Variants in C21orf58 observed in about 807,000 individuals in gnomAD.
The protein encoded by C21orf58 is uncharacterized protein C21orf58.
C21orf58 carries 34 observed loss-of-function variants against 35.8 expected under a neutral mutation model. The observed-to-expected ratio is 0.95, with a 90% CI of 0.72 to 1.26. The LOEUF is 1.26. Among genes scored for constraint, C21orf58 ranks in the 50% most tolerant of loss-of-function variants. The pLI is 0.00. For missense variants in C21orf58, 440 were observed against 414.3 expected, an observed-to-expected ratio of 1.06 and a Z score of -0.54; for synonymous variants, 191 against 175.8, an observed-to-expected ratio of 1.09 and a Z score of -0.68.
rs773417300 is a variant in C21orf58, at chr21:46,317,168, G to T, written c.370+40C>A. On this transcript the variant is annotated intron_variant, in intron 3 of 7. Coordinates refer to ENST00000291691, the MANE Select transcript of C21orf58 (RefSeq NM_058180.5). ...CTCCCCCTGGAGTGGCTACACTTGC[G>T]TCTGTCTGTGCTGGTTCCAAGCAGC... 5 of 1,592,642 alleles carry T rather than the reference G, an allele frequency of 3.1e-6. 1 individual carries two copies. The South Asian group carries it at 4.5e-5, about 14-fold the overall frequency.
At position 46,302,045 on chromosome 21, in the gene C21orf58, G is replaced by A. The variant is rs1375991456; in HGVS notation, c.923C>T (p.Thr308Ile). ...CAGGCTGGGGGCGGGCTGGAGGACA[G>A]TGGCAGCCCCAGGTGGCCACACAGC... ...HHAVWPPGAA[T>I]VLQPAPSLWT... is the part of the protein sequence containing the mutation. The change falls in exon 8 of 8, where the codon ACT (threonine) becomes ATT (isoleucine). Residue 308 changes from threonine to isoleucine, a missense_variant. Transcript: ENST00000291691. 6 of 1,531,542 alleles carry A rather than the reference G, an allele frequency of 3.9e-6. No individual in the cohort carries two copies. The African/African-American group carries it at 4.2e-5, about 11-fold the overall frequency. 94.9% of individuals were successfully genotyped at this position (1,531,542 alleles called of 1,614,324 possible).
chr21:46,301,717 C>A lies in C21orf58; in HGVS notation c.*282G>T, dbSNP rs772813904. On this transcript the variant is annotated 3_prime_UTR_variant, in exon 8 of 8. Coordinates refer to ENST00000291691, the MANE Select transcript of C21orf58 (RefSeq NM_058180.5). ...TCCCAGGTGGGCCGGCGCCGCCCTA[C>A]AGGAAAGGAGGGGTCCCTGGGAGGG... is the stretch of plus-strand genomic sequence containing the variant. 1 of 1,193,116 alleles carries A rather than the reference C, an allele frequency of 8.4e-7. No individual in the cohort carries two copies. The highest frequency in any genetic ancestry group is 1.0e-6 in the Non-Finnish European group (1 of 963,434). 73.9% of individuals were successfully genotyped at this position (1,193,116 alleles called of 1,614,324 possible).
rs1409824858 is a variant in C21orf58 at position 46,314,770 on chromosome 21, G to C, written c.555C>G (p.Pro185=). ...PPELPPTGIL[P]TASPSPLAPD... ...GGGCCAGCGGGGATGGGGAGGCAGT[G>C]GGTAGGATGCCCGTGGGGGGCAGCT... The change falls in exon 5 of 8, where the codon CCC becomes CCG. Residue 185 remains proline (P), a synonymous_variant. Coordinates refer to ENST00000291691, the MANE Select transcript of C21orf58 (RefSeq NM_058180.5). 6.6e-7 allele frequency: 1 copy of C among 1,520,178 alleles called. No homozygotes were observed. Among genetic ancestry groups the C allele is most frequent in the African/African-American group, 1.4e-5 (1 of 72,586 alleles). 94.2% of individuals were successfully genotyped at this position (1,520,178 alleles called of 1,614,324 possible).
chr21:46,302,109 T>C lies in C21orf58; in HGVS notation c.859A>G (p.Arg287Gly), dbSNP rs2082130288. 2 of 1,527,784 alleles carry C rather than the reference T, an allele frequency of 1.3e-6. No homozygotes were observed. Among genetic ancestry groups the C allele is most frequent in the South Asian group, 2.4e-5 (2 of 82,624 alleles). The allele number at this position is 1,527,784 out of a possible 1,614,324, so 94.6% of individuals were successfully genotyped here. ...PPRVPRAARP[R>G]LPAVHHHHHH... ...TGGTGGTGGTGCACGGCAGGCAGCC[T>C]TGGCCTGGCAGCTCGTGGGACCCTC... The change falls in exon 8 of 8, where the codon AGG becomes GGG. Residue 287 changes from arginine (R) to glycine (G), a missense_variant. Physicochemically the swap from Arg to Gly is moderately radical, Grantham distance 125. Transcript: ENST00000291691.
chr21:46,303,739 ATATATATTTTTTTT>A (rs1198061251), intron 6 of C21orf58, among the ~76,000 whole-genome samples: 404 of 28,000 alleles, frequency 0.014, 1 homozygote, highest in Middle Eastern at 0.028. Context: ...ATATATATAT[ATATATATTTTTTTT>A]TTTTTTTTTT....
rs574120078 is a variant in C21orf58, at chr21:46,302,407, A to C, written c.813+78T>G. ...CAGGAATGCCCTTTCAGAGCTACACAGATGCAGAAATTTCCAGAAGAAAAA... is the reference window on the plus strand; with the variant it reads ...CAGGAATGCCCTTTCAGAGCTACACCGATGCAGAAATTTCCAGAAGAAAAA... On this transcript the variant is annotated intron_variant, in intron 7 of 7. Transcript: ENST00000291691. The C allele has an allele frequency of 6.5e-5, 79 of 1,224,214 alleles. No individual in the cohort carries two copies. The Admixed American group carries it at 1.5e-3, about 23-fold the overall frequency. The allele number at this position is 1,224,214 out of a possible 1,614,324, so 75.8% of individuals were successfully genotyped here.
At position 46,302,582 on chromosome 21, in the gene C21orf58, G is replaced by C; in HGVS notation, c.722-6C>G. 4.4e-6 allele frequency: 7 copies of C among 1,608,510 alleles called. No individual in the cohort carries two copies. The highest frequency in any genetic ancestry group is 5.1e-6 in the Non-Finnish European group (6 of 1,177,014). On this transcript the variant is annotated splice_polypyrimidine_tract_variant and splice_region_variant and intron_variant, in intron 6 of 7. Transcript: ENST00000291691. ...CAGCAGCAGCTCCACCATGTCTGCA[G>C]GGAAGAAGCAGGGGGACCCTGAATA...
At position 46,314,764 on chromosome 21, in the gene C21orf58, G is replaced by A; in HGVS notation, c.561C>T (p.Ala187=). 1 of 1,513,176 alleles carries A rather than the reference G, an allele frequency of 6.6e-7. No individual in the cohort carries two copies. The highest frequency in any genetic ancestry group is 2.5e-5 in the East Asian group (1 of 40,374). 93.7% of individuals were successfully genotyped at this position (1,513,176 alleles called of 1,614,324 possible). Residue 187 remains alanine, a synonymous_variant, in exon 5 of 8, where the codon GCC becomes GCT. Coordinates refer to ENST00000291691, the MANE Select transcript of C21orf58 (RefSeq NM_058180.5). Reference sequence around the variant, plus strand: ...GGTCTGGGGCCAGCGGGGATGGGGAGGCAGTGGGTAGGATGCCCGTGGGGG... The same window carrying A: ...GGTCTGGGGCCAGCGGGGATGGGGAAGCAGTGGGTAGGATGCCCGTGGGGG... ...ELPPTGILPT[A]SPSPLAPDPP...
At position 46,310,497 on chromosome 21, in the gene C21orf58, T is replaced by TA. The variant is rs1219041481; in HGVS notation, c.721+958dup. Among the ~76,000 whole-genome samples, 261 of 127,214 alleles carry TA rather than the reference T, an allele frequency of 2.1e-3. 1 individual carries two copies. The highest frequency in any genetic ancestry group is 5.8e-3 in the African/African-American group (167 of 28,612). The allele number at this position is 127,214 out of a possible 152,430, so 83.5% of individuals were successfully genotyped here. On this transcript the variant is annotated intron_variant, in intron 6 of 7. Coordinates refer to ENST00000291691, the MANE Select transcript of C21orf58 (RefSeq NM_058180.5). The stretch of plus-strand genomic sequence containing the variant: ...TGTCTCAGAACAAAAAAAATAAAAA[T>TA]AAAAAAAAAAAACAAAACTTGTCAA...
intron 6 of C21orf58, among the ~76,000 whole-genome samples, chr21:46,307,570 G>A (rs111376351): frequency 6.6e-6 from 1 of 152,202 alleles, no homozygotes. Flanking sequence ...GATGGCACAA[G>A]CTATGCTCTC....
intron 6 of C21orf58, among the ~76,000 whole-genome samples, chr21:46,307,607 A>G (rs1018733511): frequency 1.3e-5 from 2 of 152,144 alleles, no homozygotes; most frequent in African/African-American, 2.4e-5. Flanking sequence ...CCTCATATGG[A>G]TCACAATAGG....
intron 7 of C21orf58, 78 bp from the exon 8 acceptor site, chr21:46,302,232 G>A: frequency 1.4e-6 from 2 of 1,432,656 alleles, no homozygotes; most frequent in Non-Finnish European, 1.8e-6. Flanking sequence ...TCCTAACTGG[G>A]GCTGGATCCC....
chr21:46,303,707 AAATATATATATAT>A (rs2082236977), intron 6 of C21orf58, among the ~76,000 whole-genome samples: 88 of 41,470 alleles, frequency 2.1e-3, no homozygotes, highest in East Asian at 6.1e-3. Flanking sequence ...CACACACACA[AAATATATATATAT>A]ATATATATAT....
chr21:46,303,855 C>T (rs1351475436), intron 6 of C21orf58, among the ~76,000 whole-genome samples: 1 of 144,904 alleles, frequency 6.9e-6, no homozygotes, highest in Non-Finnish European at 1.5e-5. Flanking sequence ...GGGTTCACGC[C>T]ATTCTCCTGC....
In C21orf58 at chr21:46,301,401, C is replaced by T. The variant is rs138422828; in HGVS notation, c.*598G>A. On this transcript the variant is annotated 3_prime_UTR_variant, in exon 8 of 8. Transcript: ENST00000291691. ...AGCTCAAGTGATCCTCCTGCCTCAG[C>T]CTCTTAAAGTGCTGGGATTACAGGC... The T allele has an allele frequency of 4.0e-5, 34 of 853,074 alleles. No homozygotes were observed. In the African/African-American group the frequency reaches 4.9e-4, roughly 12 times the overall value. 52.8% of individuals were successfully genotyped at this position (853,074 alleles called of 1,614,324 possible).
intron 7 of C21orf58, 76 bp downstream of exon 7, chr21:46,302,409 A>G: frequency 1.6e-6 from 2 of 1,232,508 alleles, no homozygotes; most frequent in Non-Finnish European, 2.3e-6. Flanking sequence ...AGCTACACAG[A>G]TGCAGAAATT....
chr21:46,301,085 C>T (rs1569110547), downstream of C21orf58: 35 of 810,282 alleles, frequency 4.3e-5, no homozygotes, highest in South Asian at 4.3e-4. Context: ...AGCACTCTCC[C>T]TTTTTTTTTT....
Position 46,317,999 on chromosome 21 carries a change from G to C in C21orf58, c.309+13C>G. 1 of 1,612,788 alleles carries C rather than the reference G, an allele frequency of 6.2e-7. No individual in the cohort carries two copies. The highest frequency in any genetic ancestry group is 8.5e-7 in the Non-Finnish European group (1 of 1,179,680). On this transcript the variant is annotated intron_variant, in intron 2 of 7. Coordinates refer to ENST00000291691, the MANE Select transcript of C21orf58 (RefSeq NM_058180.5). ...AGTTGTTAAAAACAGGAGCATCCCGGGCTCTGCCTCACCTGTCCCAAGAGC... is the reference window on the plus strand; with the variant it reads ...AGTTGTTAAAAACAGGAGCATCCCGCGCTCTGCCTCACCTGTCCCAAGAGC...
At chr21:46,307,127 C>G (rs1466209347) in intron 6 of C21orf58, among the ~76,000 whole-genome samples, 1 of 151,848 alleles carries the variant, frequency 6.6e-6, no homozygotes, top group Non-Finnish European at 1.5e-5. Context: ...AACTCCTGAC[C>G]TCAGGTGATC....
Sources: gnomAD v4.1 joint callset for allele counts (sites outside exome capture counted in the v4.1 genomes callset) on GRCh38, gnomAD v4.1.1 for gene constraint, MANE v1.5 for transcripts, NCBI Gene and HGNC (gene_info 2026-07-23, HGNC 2026-07-21) for gene names.